Variants in CFAP54 observed in about 807,000 individuals in gnomAD.
The protein encoded by CFAP54 is cilia- and flagella-associated protein 54.
In CFAP54, 290 loss-of-function variants were observed where a neutral mutation model predicts 370.4. The ratio of observed to expected loss-of-function variants is 0.78; its 90% CI spans 0.71 to 0.86. The LOEUF is 0.86. Ranked by LOEUF, CFAP54 falls within the 40% of genes least tolerant of loss-of-function variation. The pLI is 0.00. For missense variants in CFAP54, 3,399 were observed against 3,528.7 expected, an observed-to-expected ratio of 0.96 and a Z score of 0.93; for synonymous variants, 1,206 against 1,236.5, an observed-to-expected ratio of 0.98 and a Z score of 0.52.
chr12:96,644,515 G>A, intron 33 of CFAP54, 107 bp downstream of exon 33: 1 of 794,952 alleles, frequency 1.3e-6, no homozygotes, highest in Non-Finnish European at 2.0e-6. Context: ...GGTTTACAGA[G>A]TGCTTCTATC....
intron 20 of CFAP54, among the ~76,000 whole-genome samples, chr12:96,577,546 C>T (rs1955990681): frequency 6.6e-6 from 1 of 152,070 alleles, no homozygotes; most frequent in Admixed American, 6.6e-5. Flanking sequence ...GTAGAGAGAA[C>T]ATAGGCTTTG....
chr12:96,573,645 T>C (rs146766962), intron 19 of CFAP54, among the ~76,000 whole-genome samples: 2 of 152,214 alleles, frequency 1.3e-5, no homozygotes, highest in African/African-American at 4.8e-5. Context: ...CCATTTGTTA[T>C]AATTTTTAAA....
intron 42 of CFAP54, among the ~76,000 whole-genome samples, chr12:96,688,145 T>G (rs1434636996): frequency 6.6e-6 from 1 of 152,162 alleles, no homozygotes; most frequent in Non-Finnish European, 1.5e-5. Flanking sequence ...TAAGAAAGAC[T>G]TAGGAGAAGG....
chr12:96,491,834 A>C (rs188734606), intron 1 of CFAP54, among the ~76,000 whole-genome samples: 1 of 152,172 alleles, frequency 6.6e-6, no homozygotes, highest in African/African-American at 2.4e-5. Context: ...ATCTCAGCTT[A>C]CTGCAACCTC....
At chr12:96,740,551 G>A (rs1958039146) in intron 51 of CFAP54, among the ~76,000 whole-genome samples, 1 of 152,184 alleles carries the variant, frequency 6.6e-6, no homozygotes, top group Non-Finnish European at 1.5e-5. Context: ...ATAAGACCAA[G>A]TAATTTAACA....
At chr12:96,611,387 A>G (rs189223695) in intron 26 of CFAP54, among the ~76,000 whole-genome samples, 1 of 152,350 alleles carries the variant, frequency 6.6e-6, no homozygotes, top group Admixed American at 6.5e-5. Context: ...CCCCATCTGT[A>G]CGTCACCATC....
intron 62 of CFAP54, among the ~76,000 whole-genome samples, chr12:96,787,931 G>C (rs77053182): frequency 8.4e-6 from 1 of 119,052 alleles, no homozygotes; most frequent in African/African-American, 3.1e-5. Flanking sequence ...TTTTTTTTTT[G>C]AGACAGAGTC....
chr12:96,785,394 TTG>T (rs2136694361), intron 61 of CFAP54, among the ~76,000 whole-genome samples: 1 of 152,262 alleles, frequency 6.6e-6, no homozygotes, highest in East Asian at 1.9e-4. Context: ...CCTCTTGTGA[TTG>T]TGTGACATTG....
At chr12:96,708,386 C>T (rs1452158498) in intron 47 of CFAP54, among the ~76,000 whole-genome samples, 1 of 152,080 alleles carries the variant, frequency 6.6e-6, no homozygotes, top group Non-Finnish European at 1.5e-5. Context: ...CCTCATGAGG[C>T]ACAGGTTAGA....
At chr12:96,525,335 T>C (rs1287576927) in intron 8 of CFAP54, among the ~76,000 whole-genome samples, 3 of 151,898 alleles carry the variant, frequency 2.0e-5, no homozygotes, top group Non-Finnish European at 4.4e-5. Flanking sequence ...TTATAGATAT[T>C]ATTATTTTGC....
At chr12:96,653,718 TC>T (rs1165819655) in intron 36 of CFAP54, among the ~76,000 whole-genome samples, 1 of 150,928 alleles carries the variant, frequency 6.6e-6, no homozygotes, top group African/African-American at 2.4e-5. Flanking sequence ...GCAAATTAAA[TC>T]TAAACTAAAG....
chr12:96,509,673 G>A (rs1012574486), intron 4 of CFAP54, among the ~76,000 whole-genome samples: 2 of 151,970 alleles, frequency 1.3e-5, no homozygotes, highest in East Asian at 1.9e-4. Flanking sequence ...AAAATTATCC[G>A]GGTGTGGTGG....
At chr12:96,670,228 A>G (rs1026694168) in intron 39 of CFAP54, among the ~76,000 whole-genome samples, 3 of 152,202 alleles carry the variant, frequency 2.0e-5, no homozygotes, top group Admixed American at 2.0e-4. Context: ...GACCATATGT[A>G]CATATACCGT....
chr12:96,572,947 G>C, intron 19 of CFAP54: 1 of 985,424 alleles, frequency 1.0e-6, no homozygotes, highest in Non-Finnish European at 1.2e-6. Flanking sequence ...AATTAAGTCA[G>C]AAGGTGCTAG....
Position 96,708,720 on chromosome 12 carries a change from C to A in CFAP54, c.6641C>A (p.Ala2214Asp). 1.9e-6 allele frequency: 3 copies of A among 1,612,324 alleles called. No individual in the cohort carries two copies. Among genetic ancestry groups the A allele is most frequent in the Non-Finnish European group, 2.5e-6 (3 of 1,179,436 alleles). The change falls in exon 48 of 68, where the codon GCT becomes GAT. Residue 2214 changes from alanine (A) to aspartate (D), a missense_variant. Ala to Asp is a moderately radical substitution (Grantham distance 126). Around this residue, in one of 3 missense-constraint regions of CFAP54, gnomAD observed 2,796 missense variants for 2,869.7 expected, o/e 0.97. Coordinates refer to ENST00000524981, the MANE Select transcript of CFAP54 (RefSeq NM_001306084.2). ...AAAGCATACTTTTTCCTAAGTGTGG[C>A]TGCGACAATAAATTGTGTCCCAGAA... ...FVKAYFFLSV[A>D]ATINCVPENK...
In CFAP54 at chr12:96,547,987, A is replaced by G. The variant is rs1369280807; in HGVS notation, c.2154+9A>G. The G allele has an allele frequency of 7.4e-7, 1 of 1,360,480 alleles. No homozygotes were observed. Among genetic ancestry groups the G allele is most frequent in the Non-Finnish European group, 9.8e-7 (1 of 1,018,284 alleles). The allele number at this position is 1,360,480 out of a possible 1,614,324, so 84.3% of individuals were successfully genotyped here. A position where few individuals can be genotyped will look rare whatever the true frequency, so the allele number is the denominator to read the frequency against. ...TTCTTCCAATATTACAGGTATTACT[A>G]CATATTTAGAAAATTTAGGTGAAAC... On this transcript the variant is annotated intron_variant, in intron 15 of 67. Transcript: ENST00000524981.
chr12:96,660,299 C>G (rs1274637330), intron 38 of CFAP54, among the ~76,000 whole-genome samples: 1 of 152,136 alleles, frequency 6.6e-6, no homozygotes, highest in Non-Finnish European at 1.5e-5. Context: ...GCTGCTCCTT[C>G]CGAGGATTTT....
chr12:96,525,475 T>G (rs1179294442), intron 8 of CFAP54, among the ~76,000 whole-genome samples: 2 of 152,112 alleles, frequency 1.3e-5, no homozygotes, highest in Non-Finnish European at 2.9e-5. Flanking sequence ...AAATATTCCA[T>G]TCTTTTTGCT....
chr12:96,503,929 A>G lies in CFAP54; in HGVS notation c.467A>G (p.Gln156Arg). 2 of 1,524,136 alleles carry G rather than the reference A, an allele frequency of 1.3e-6. No individual in the cohort carries two copies. The highest frequency in any genetic ancestry group is 2.5e-5 in the East Asian group (1 of 40,214). 94.4% of individuals were successfully genotyped at this position (1,524,136 alleles called of 1,614,324 possible). Residue 156 changes from glutamine to arginine, a missense_variant, in exon 3 of 68, where the codon CAG becomes CGG. Around this residue, in one of 3 missense-constraint regions of CFAP54, gnomAD observed 559 missense variants for 576.7 expected, o/e 0.97. Coordinates refer to ENST00000524981, the MANE Select transcript of CFAP54 (RefSeq NM_001306084.2). ...TTACAATGCTATGGAAGATATCTTC[A>G]GCAGTTCAATACCAATTTTGATGAG... ...ALLQCYGRYL[Q>R]QFNTNFDENK... is the part of the protein sequence containing the mutation.
Sources: allele counts gnomAD v4.1 joint callset (sites outside exome capture counted in the v4.1 genomes callset), GRCh38; gene constraint gnomAD v4.1.1; regional missense constraint gnomAD v4.1.1; transcripts MANE v1.5; gene names NCBI Gene and HGNC (gene_info 2026-07-23, HGNC 2026-07-21).